Variants in NBEA observed in about 807,000 individuals in gnomAD.
NBEA encodes the protein lysosomal-trafficking regulator 2.
NBEA carries 44 observed loss-of-function variants against 343.4 expected under a neutral mutation model. That is an observed-to-expected ratio of 0.13 (90% confidence interval 0.10 to 0.16). NBEA has a LOEUF of 0.16. Among genes scored for constraint, NBEA ranks in the 10% least tolerant of loss-of-function variants. The pLI is 1.00. For synonymous variants in NBEA, 1,175 were observed against 1,238.7 expected, an observed-to-expected ratio of 0.95 and a Z score of 1.08; for missense variants, 2,555 against 3,631.3, an observed-to-expected ratio of 0.70 and a Z score of 7.62.
intron 49 of NBEA, among the ~76,000 whole-genome samples, chr13:35,639,314 C>A (rs553186863): frequency 6.6e-6 from 1 of 152,136 alleles, no homozygotes; most frequent in East Asian, 1.9e-4. Flanking sequence ...TTATTTTGCT[C>A]CTGTTTTTCC....
intron 48 of NBEA, 63 bp from the exon 49 acceptor site, chr13:35,628,018 T>A: frequency 8.2e-7 from 1 of 1,226,456 alleles, no homozygotes. Flanking sequence ...AAAAAAAAAA[T>A]AAAAGGATAT....
At chr13:35,147,025 A>G (rs1229129940) in intron 18 of NBEA, among the ~76,000 whole-genome samples, 1 of 152,188 alleles carries the variant, frequency 6.6e-6, no homozygotes, top group Non-Finnish European at 1.5e-5. Flanking sequence ...TCTCTGGAAC[A>G]AAGCTGGGTT....
chr13:34,985,926 TTTC>T, intron 1 of NBEA, among the ~76,000 whole-genome samples: 1 of 150,892 alleles, frequency 6.6e-6, no homozygotes, highest in East Asian at 1.9e-4. Context: ...TCTCCTCTCT[TTTC>T]TTCTTTATTA....
At chr13:35,364,016 T>C (rs189555197) in intron 38 of NBEA, among the ~76,000 whole-genome samples, 51 of 152,058 alleles carry the variant, frequency 3.4e-4, no homozygotes, top group Non-Finnish European at 5.4e-4. Context: ...TGAGTTTGCC[T>C]TGCCTGTGGC....
chr13:35,254,491 A>T (rs934134125), intron 34 of NBEA, among the ~76,000 whole-genome samples: 22 of 151,830 alleles, frequency 1.4e-4, no homozygotes, highest in Admixed American at 9.8e-4. Context: ...CTAATTTTTT[A>T]AAAAATTTTT....
At chr13:35,227,019 T>C (rs2074691916) in intron 33 of NBEA, among the ~76,000 whole-genome samples, 1 of 152,178 alleles carries the variant, frequency 6.6e-6, no homozygotes, top group South Asian at 2.1e-4. Flanking sequence ...TAGTCTTCTA[T>C]AGCTTTATCT....
At chr13:35,391,663 T>G (rs2042507724) in intron 38 of NBEA, among the ~76,000 whole-genome samples, 1 of 141,860 alleles carries the variant, frequency 7.0e-6, no homozygotes, top group South Asian at 2.3e-4. Context: ...TATGTGTATA[T>G]AAATAAATAA....
chr13:35,548,910 G>C (rs1457691599), intron 41 of NBEA, among the ~76,000 whole-genome samples: 1 of 152,156 alleles, frequency 6.6e-6, no homozygotes, highest in Non-Finnish European at 1.5e-5. Context: ...TCAACAACAA[G>C]GAGACATAAA....
intron 48 of NBEA, among the ~76,000 whole-genome samples, chr13:35,617,082 A>G (rs1013533075): frequency 2.8e-4 from 42 of 152,248 alleles, no homozygotes; most frequent in African/African-American, 9.9e-4. Context: ...AAGGATACAT[A>G]TTGTGCATCT....
In NBEA at chr13:34,988,594, C is replaced by T. The variant is rs192396608; in HGVS notation, c.294+45480C>T. 1.2e-4 allele frequency among the ~76,000 whole-genome samples: 18 copies of T among 151,102 alleles called. No homozygotes were observed. In the East Asian group the frequency reaches 1.5e-3, roughly 13 times the overall value. On this transcript the variant is annotated intron_variant, in intron 1 of 58. Coordinates refer to ENST00000379939, the MANE Select transcript of NBEA (RefSeq NM_001385012.1). Reference sequence around the variant, plus strand: ...AGCAAGTCTCTGTGGGCGTGGGATCCGCCGAGCCAGACATGGGATATAATC... The same window carrying T: ...AGCAAGTCTCTGTGGGCGTGGGATCTGCCGAGCCAGACATGGGATATAATC...
At chr13:35,075,036 C>T (rs1216284635) in intron 10 of NBEA, among the ~76,000 whole-genome samples, 1 of 151,976 alleles carries the variant, frequency 6.6e-6, no homozygotes, top group Non-Finnish European at 1.5e-5. Context: ...TTTTGCCAGT[C>T]ATGTATTTTA....
chr13:35,620,875 G>C (rs187594101), intron 48 of NBEA, among the ~76,000 whole-genome samples: 61 of 152,258 alleles, frequency 4.0e-4, no homozygotes, highest in African/African-American at 1.5e-3. Flanking sequence ...ACAGAGGCAG[G>C]TGAAGGGCTG....
chr13:35,552,243 C>T (rs2079362005), intron 43 of NBEA, among the ~76,000 whole-genome samples: 1 of 152,128 alleles, frequency 6.6e-6, no homozygotes, highest in African/African-American at 2.4e-5. Context: ...TTTATTTATC[C>T]TTTAATCTAC....
intron 45 of NBEA, among the ~76,000 whole-genome samples, chr13:35,571,224 T>C (rs1041683962): frequency 1.3e-5 from 2 of 152,106 alleles, no homozygotes; most frequent in African/African-American, 4.8e-5. Context: ...GCCAAAAAAA[T>C]AAATATTTAT....
At chr13:35,109,919 C>A (rs764595674) in intron 12 of NBEA, among the ~76,000 whole-genome samples, 2 of 150,816 alleles carry the variant, frequency 1.3e-5, no homozygotes, top group Non-Finnish European at 1.5e-5. Flanking sequence ...GGATTTAGTC[C>A]TAGTTGAAAT....
intron 36 of NBEA, among the ~76,000 whole-genome samples, chr13:35,329,095 G>A (rs1295075253): frequency 6.6e-6 from 1 of 151,898 alleles, no homozygotes; most frequent in Admixed American, 6.6e-5. Flanking sequence ...ATGAAAAAAT[G>A]TTCCACCTTA....
chr13:34,963,160 T>TCA (rs2059712052), intron 1 of NBEA, among the ~76,000 whole-genome samples: 1 of 151,944 alleles, frequency 6.6e-6, no homozygotes, highest in African/African-American at 2.4e-5. Context: ...ACTGGAGGTG[T>TCA]CATGACACAT....
intron 11 of NBEA, among the ~76,000 whole-genome samples, chr13:35,107,025 G>C (rs926511988): frequency 2.0e-5 from 3 of 151,742 alleles, no homozygotes; most frequent in Admixed American, 6.6e-5. Flanking sequence ...AGAGTTTTAA[G>C]TGTAAGAGTA....
chr13:35,490,539 A>G (rs1301109427), intron 41 of NBEA, among the ~76,000 whole-genome samples: 2 of 151,924 alleles, frequency 1.3e-5, no homozygotes, highest in Non-Finnish European at 2.9e-5. Flanking sequence ...GTAAGAAGTT[A>G]CTGTTTCTCA....
Sources: gnomAD v4.1 joint callset for allele counts (sites outside exome capture counted in the v4.1 genomes callset) on GRCh38, gnomAD v4.1.1 for gene constraint, MANE v1.5 for transcripts, NCBI Gene and HGNC (gene_info 2026-07-23, HGNC 2026-07-21) for gene names.